UNC13A: variants seen among roughly 807,000 people sequenced by gnomAD.
UNC13A encodes the protein protein unc-13 homolog A.
In UNC13A, 61 loss-of-function variants were observed where a neutral mutation model predicts 219.7. That is an observed-to-expected ratio of 0.28 (90% confidence interval 0.23 to 0.34). The LOEUF (loss-of-function observed/expected upper bound fraction) is 0.34, where lower values mean the gene tolerates loss of function less well. UNC13A is among the 10% of genes least tolerant of loss of function. The pLI, the probability that UNC13A is intolerant of heterozygous loss-of-function variation, is 1.00. For missense variants in UNC13A, 1,476 were observed against 2,270.3 expected (o/e 0.65, Z 7.11); for synonymous variants, 920 against 884.6 (o/e 1.04, Z -0.71).
At chr19:17,614,031 G>C (rs1209640676) in intron 41 of UNC13A, 4 of 137,138 alleles carry the variant, frequency 2.9e-5, no homozygotes, top group African/African-American at 1.1e-4. Context: ...TTTTGAGATA[G>C]AGTCTTGCTG....
Position 17,656,243 on chromosome 19 carries a change from A to C in UNC13A, c.923T>G (p.Val308Gly), listed in dbSNP as rs1337858200. The C allele has an allele frequency of 6.4e-7, 1 of 1,551,870 alleles. No homozygotes were observed. Among genetic ancestry groups the C allele is most frequent in the Non-Finnish European group, 8.7e-7 (1 of 1,147,076 alleles). ...GCGAGGCGAGTCTTTGTGGTAGCTG[A>C]CCGAGCTGTGGCAGGAGTGGTAGGA... The part of the protein sequence containing the change: ...RDSYHSCHSS[V>G]SYHKDSPRWD... Residue 308 changes from valine (V) to glycine (G), a missense_variant, in exon 10 of 44, where the codon GTC becomes GGC. Val to Gly is a moderately radical substitution (Grantham distance 109). This residue lies in a region of UNC13A where 351 missense variants were observed against 342.6 expected (regional missense o/e 1.02). Transcript: ENST00000519716.
At chr19:17,629,347 TGAGAG>T in intron 30 of UNC13A, 24 bp from the exon 31 acceptor site, 1 of 1,597,480 alleles carries the variant, frequency 6.3e-7, no homozygotes, top group Non-Finnish European at 8.5e-7. Context: ...AGAGTGTGGG[TGAGAG>T]GAGAGGCTGG....
At chr19:17,616,254 C>T (rs1190051113) in intron 41 of UNC13A, among the ~76,000 whole-genome samples, 1 of 152,212 alleles carries the variant, frequency 6.6e-6, no homozygotes, top group Non-Finnish European at 1.5e-5. Context: ...GTCCTTCCCC[C>T]TCACCCGCCT....
chr19:17,668,714 CCTGACATCAGGTGATCCAT>C lies in UNC13A; in HGVS notation c.395-543_395-525del, dbSNP rs1599402492. ...ATGTTGGCCAGGCTGCTCTCAAACT[CCTGACATCAGGTGATCCAT>C]CTGCCTCGGCCTCTCAAAGTGCTGG... On this transcript the variant is annotated intron_variant, in intron 5 of 43. Transcript: ENST00000519716. Among the ~76,000 whole-genome samples the C allele has an allele frequency of 3.9e-5, 6 of 152,296 alleles. No homozygotes were observed. The East Asian group carries it at 1.2e-3, about 29-fold the overall frequency.
chr19:17,680,855 C>CTCT (rs1009474953), intron 1 of UNC13A, among the ~76,000 whole-genome samples: 3 of 122,464 alleles, frequency 2.4e-5, no homozygotes, highest in Non-Finnish European at 5.4e-5. Context: ...TCTTTCTTTT[C>CTCT]TCTTCTTCTT....
In UNC13A at chr19:17,606,000, T is replaced by G; in HGVS notation, c.*54A>C. 1 of 1,376,418 alleles carries G rather than the reference T, an allele frequency of 7.3e-7. No homozygotes were observed. The highest frequency in any genetic ancestry group is 1.7e-5 in the South Asian group (1 of 58,958). 85.3% of individuals were successfully genotyped at this position (1,376,418 alleles called of 1,614,324 possible). ...CCCACCAAGGCGCAAGCCCCGTCCCTCCCCGCCCAGCGCCCTCCGCGCAGG... is the reference window on the plus strand; with the variant it reads ...CCCACCAAGGCGCAAGCCCCGTCCCGCCCCGCCCAGCGCCCTCCGCGCAGG... On this transcript the variant is annotated 3_prime_UTR_variant, in exon 44 of 44. Transcript: ENST00000519716.
rs546266280 is a variant in UNC13A at position 17,638,247 on chromosome 19, G to A, written c.3081+836C>T. 3.3e-5 allele frequency among the ~76,000 whole-genome samples: 5 copies of A among 152,274 alleles called. No homozygotes were observed. The South Asian group carries it at 6.2e-4, about 19-fold the overall frequency. Reference sequence around the variant, plus strand: ...CCCAGCACTTTGGGAGGCTGAGGCAGGAGGATCGCTTGAGCCCAGGAGATC... The same window carrying A: ...CCCAGCACTTTGGGAGGCTGAGGCAAGAGGATCGCTTGAGCCCAGGAGATC... On this transcript the variant is annotated intron_variant, in intron 25 of 43. Coordinates refer to ENST00000519716, the MANE Select transcript of UNC13A (RefSeq NM_001080421.3).
In UNC13A at chr19:17,605,820, A is replaced by G; in HGVS notation, c.*234T>C. 1 of 450,438 alleles carries G rather than the reference A, an allele frequency of 2.2e-6. No individual in the cohort carries two copies. Among genetic ancestry groups the G allele is most frequent in the Admixed American group, 4.5e-5 (1 of 22,244 alleles). The allele number at this position is 450,438 out of a possible 1,614,324, so 27.9% of individuals were successfully genotyped here. A position where few individuals can be genotyped will look rare whatever the true frequency, so the allele number is the denominator to read the frequency against. On this transcript the variant is annotated 3_prime_UTR_variant, in exon 44 of 44. Transcript: ENST00000519716. ...CTGGGGGCGTGGCCTCAAGTTGGGG[A>G]TGTGGCTCCTTCCTTCGTCGCGCCC...
At position 17,674,603 on chromosome 19, in the gene UNC13A, C is replaced by T. The variant is rs949780220; in HGVS notation, c.152+54G>A. On this transcript the variant is annotated intron_variant, in intron 3 of 43. Coordinates refer to ENST00000519716, the MANE Select transcript of UNC13A (RefSeq NM_001080421.3). This position sits in a 1 kb window ranked among gnomAD's most constrained non-coding sequence, Gnocchi z 5.0. ...GTCCAGCTCTGCCCTGAGGGGCCAG[C>T]GAGGTGCTGGGCTATGCCAGGGAGT... The T allele has an allele frequency of 1.5e-5, 23 of 1,533,284 alleles. No homozygotes were observed. The highest frequency in any genetic ancestry group is 5.0e-5 in the Admixed American group (3 of 59,578). The allele number at this position is 1,533,284 out of a possible 1,614,324, so 95.0% of individuals were successfully genotyped here.
At chr19:17,667,721 C>T (rs374898878) in intron 6 of UNC13A, among the ~76,000 whole-genome samples, 14 of 151,984 alleles carry the variant, frequency 9.2e-5, no homozygotes, top group East Asian at 5.8e-4. Context: ...ATAATCTGCC[C>T]GCCACAGCCT....
chr19:17,645,009 CT>C lies in UNC13A; in HGVS notation c.2356+664del, dbSNP rs3049769. Among the ~76,000 whole-genome samples, 403 of 126,510 alleles carry C rather than the reference CT, an allele frequency of 3.2e-3. 3 individuals carry two copies. The highest frequency in any genetic ancestry group is 6.4e-3 in the African/African-American group (210 of 32,638). 83.0% of individuals were successfully genotyped at this position (126,510 alleles called of 152,430 possible). A position where few individuals can be genotyped will look rare whatever the true frequency, so the allele number is the denominator to read the frequency against. On this transcript the variant is annotated intron_variant, in intron 19 of 43. Coordinates refer to ENST00000519716, the MANE Select transcript of UNC13A (RefSeq NM_001080421.3). Reference sequence around the variant, plus strand: ...CTGCCCGGCGCCCCCAGCCTGGATTCTTTTTTTTTTTTTTTTGAGTGGGAGT... The same window carrying C: ...CTGCCCGGCGCCCCCAGCCTGGATTCTTTTTTTTTTTTTTTGAGTGGGAGT...
intron 19 of UNC13A, 43 bp from the exon 20 acceptor site, chr19:17,643,003 T>A: frequency 6.6e-7 from 1 of 1,513,976 alleles, no homozygotes; most frequent in Non-Finnish European, 8.9e-7. Context: ...CTTCCCACTA[T>A]AGCAGTGGGC....
chr19:17,618,285 G>A, intron 40 of UNC13A, 136 bp downstream of exon 40: 2 of 972,618 alleles, frequency 2.1e-6, no homozygotes, highest in Non-Finnish European at 3.1e-6. Context: ...CCCAGCTCTG[G>A]CACAGACAGG....
Position 17,669,495 on chromosome 19 carries a change from T to C in UNC13A, c.394+58A>G. The C allele has an allele frequency of 1.9e-6, 3 of 1,590,298 alleles. No homozygotes were observed. In the South Asian group the frequency reaches 3.4e-5, roughly 18 times the overall value. ...GGCCTGTTCACTCTCCTGGAATAGCTGAGTGAGTCCACAACTGGGGCTGGG... is the reference window on the plus strand; with the variant it reads ...GGCCTGTTCACTCTCCTGGAATAGCCGAGTGAGTCCACAACTGGGGCTGGG... On this transcript the variant is annotated intron_variant, in intron 5 of 43. Transcript: ENST00000519716.
At chr19:17,660,230 G>A (rs962899912) in intron 8 of UNC13A, among the ~76,000 whole-genome samples, 12 of 152,040 alleles carry the variant, frequency 7.9e-5, no homozygotes, top group Admixed American at 7.2e-4. Context: ...GTCCTTGACC[G>A]GGCTGAGATG....
In UNC13A at chr19:17,601,842, G is replaced by A. The variant is rs2076467340; in HGVS notation, c.*4212C>T. Reference sequence around the variant, plus strand: ...TAAAAGGCAAAGAGAAAAGCAACACGTGTCAGCAAAGACAACTTTGGTCCT... The same window carrying A: ...TAAAAGGCAAAGAGAAAAGCAACACATGTCAGCAAAGACAACTTTGGTCCT... On this transcript the variant is annotated 3_prime_UTR_variant, in exon 44 of 44. Transcript: ENST00000519716. 6.6e-6 allele frequency: 1 copy of A among 152,652 alleles called. No individual in the cohort carries two copies. Among genetic ancestry groups the A allele is most frequent in the Admixed American group, 6.5e-5 (1 of 15,270 alleles). The allele number at this position is 152,652 out of a possible 1,614,324, so 9.5% of individuals were successfully genotyped here.
At position 17,630,041 on chromosome 19, in the gene UNC13A, C is replaced by T. The variant is rs1017668761; in HGVS notation, c.3669+104G>A. 3.8e-6 allele frequency: 5 copies of T among 1,309,906 alleles called. 1 individual carries two copies. The highest frequency in any genetic ancestry group is 2.5e-5 in the East Asian group (1 of 39,360). 81.1% of individuals were successfully genotyped at this position (1,309,906 alleles called of 1,614,324 possible). ...TTCAATCCCAACCTCAATGACATCACCAACTCCAACCTCAACCTCAACCTT... is the reference window on the plus strand; with the variant it reads ...TTCAATCCCAACCTCAATGACATCATCAACTCCAACCTCAACCTCAACCTT... On this transcript the variant is annotated intron_variant, in intron 30 of 43. Coordinates refer to ENST00000519716, the MANE Select transcript of UNC13A (RefSeq NM_001080421.3).
At chr19:17,635,098 C>T (rs1313831938) in intron 26 of UNC13A, among the ~76,000 whole-genome samples, 1 of 151,986 alleles carries the variant, frequency 6.6e-6, no homozygotes, top group African/African-American at 2.4e-5. Context: ...CTCCATCTGA[C>T]CTCATGATCC....
intron 2 of UNC13A, among the ~76,000 whole-genome samples, chr19:17,675,532 T>C (rs1212729615): frequency 2.0e-5 from 3 of 149,318 alleles, no homozygotes; most frequent in African/African-American, 7.5e-5. Flanking sequence ...CTTGGGAGGC[T>C]GAGGCAGGAG....
Sources: allele counts gnomAD v4.1 joint callset (sites outside exome capture counted in the v4.1 genomes callset), GRCh38; gene constraint gnomAD v4.1.1; regional missense constraint gnomAD v4.1.1; non-coding constraint Gnocchi (gnomAD v3.1); transcripts MANE v1.5; gene names NCBI Gene and HGNC (gene_info 2026-07-23, HGNC 2026-07-21).